The following CHD6 variants were observed in gnomAD, a reference collection of about 807,000 sequenced individuals.
CHD6 encodes the protein chromodomain helicase DNA binding protein 6, also known as ATP-dependent chromatin remodeler CHD6.
Under a neutral mutation model 276.9 loss-of-function variants are expected in CHD6, and 50 were observed. The observed-to-expected ratio is 0.18, with a 90% CI of 0.14 to 0.23. CHD6 has a LOEUF of 0.23. Ranked by LOEUF, CHD6 falls within the 10% of genes least tolerant of loss-of-function variation. The pLI, the probability that CHD6 is intolerant of heterozygous loss-of-function variation, is 1.00. For missense variants in CHD6, 2,564 were observed against 3,365.8 expected (o/e 0.76, Z 5.89); for synonymous variants, 1,173 against 1,229.3 (o/e 0.95, Z 0.96).
At chr20:41,520,137 G>C (rs1048120951) in intron 3 of CHD6, among the ~76,000 whole-genome samples, 13 of 152,204 alleles carry the variant, frequency 8.5e-5, no homozygotes, top group African/African-American at 3.1e-4. Context: ...TCTCACACCA[G>C]TTAGAATGGT....
chr20:41,454,780 A>C, intron 19 of CHD6, 44 bp from the exon 20 acceptor site: 1 of 1,369,310 alleles, frequency 7.3e-7, no homozygotes, highest in South Asian at 1.2e-5. Flanking sequence ...TGAACACAAT[A>C]CAAACTAATA....
chr20:41,576,856 T>C (rs1306214154), intron 1 of CHD6, among the ~76,000 whole-genome samples: 1 of 152,220 alleles, frequency 6.6e-6, no homozygotes, highest in Non-Finnish European at 1.5e-5. Context: ...TGTAGTCATG[T>C]TCTCACCCAC....
chr20:41,444,717 T>C (rs2048011000), intron 25 of CHD6, among the ~76,000 whole-genome samples: 2 of 151,922 alleles, frequency 1.3e-5, no homozygotes, highest in Non-Finnish European at 2.9e-5. Context: ...ACCCAGCACC[T>C]ATTATGTACC....
At chr20:41,412,450 T>C (rs1354624714) in intron 35 of CHD6, among the ~76,000 whole-genome samples, 187 bp from the exon 36 acceptor site, 4 of 152,194 alleles carry the variant, frequency 2.6e-5, no homozygotes, top group African/African-American at 9.7e-5. Flanking sequence ...AGCACCAGTG[T>C]TCCTACAGTA....
In CHD6 at chr20:41,501,686, G is replaced by C. The variant is rs550006490; in HGVS notation, c.853-2329C>G. Reference sequence around the variant, plus strand: ...ACTAGGAGAAGAAATACTGGGTTATGGGGTAGGTAGATGTCTAATTTTAAT... The same window carrying C: ...ACTAGGAGAAGAAATACTGGGTTATCGGGTAGGTAGATGTCTAATTTTAAT... On this transcript the variant is annotated intron_variant, in intron 5 of 36. Coordinates refer to ENST00000373233, the MANE Select transcript of CHD6 (RefSeq NM_032221.5). Among the ~76,000 whole-genome samples, 3 of 152,244 alleles carry C rather than the reference G, an allele frequency of 2.0e-5. No homozygotes were observed. In the South Asian group the frequency reaches 6.2e-4, roughly 32 times the overall value.
In CHD6 at chr20:41,472,266, T is replaced by C. The variant is rs187143376; in HGVS notation, c.2664+1056A>G. 5.5e-3 allele frequency among the ~76,000 whole-genome samples: 818 copies of C among 149,556 alleles called. 19 individuals carry two copies. Among genetic ancestry groups the C allele is most frequent in the Admixed American group, 0.031 (473 of 15,080 alleles). The stretch of plus-strand genomic sequence containing the variant: ...CAAAAAAAAAAAAAAAAGAAAGGAA[T>C]AGACAAAGCAGCAACTCTGTAGGAG... On this transcript the variant is annotated intron_variant, in intron 17 of 36. Transcript: ENST00000373233.
chr20:41,459,012 T>C (rs1251005720), intron 17 of CHD6, among the ~76,000 whole-genome samples: 1 of 151,998 alleles, frequency 6.6e-6, no homozygotes, highest in Non-Finnish European at 1.5e-5. Flanking sequence ...GATCCTGGAG[T>C]CCAGAATTGC....
intron 14 of CHD6, among the ~76,000 whole-genome samples, chr20:41,487,330 A>C (rs1466301450): frequency 1.3e-5 from 2 of 152,216 alleles, no homozygotes; most frequent in East Asian, 1.9e-4. Flanking sequence ...GAAGCAAAAG[A>C]AAGCACCATG....
At chr20:41,589,168 C>G (rs1380115495) in intron 1 of CHD6, among the ~76,000 whole-genome samples, 1 of 152,176 alleles carries the variant, frequency 6.6e-6, no homozygotes, top group Non-Finnish European at 1.5e-5. Flanking sequence ...AATTCAACAG[C>G]CCTTCATGCT....
chr20:41,412,349 ATTG>A (rs1229996818), intron 35 of CHD6, 86 bp from the exon 36 acceptor site: 1 of 1,487,620 alleles, frequency 6.7e-7, no homozygotes, highest in Non-Finnish European at 9.3e-7. Context: ...TGGTTTTGCT[ATTG>A]TTCTCGTCAA....
intron 3 of CHD6, among the ~76,000 whole-genome samples, chr20:41,527,405 A>C (rs1376318313): frequency 1.3e-5 from 2 of 152,082 alleles, no homozygotes; most frequent in Non-Finnish European, 2.9e-5. Flanking sequence ...TGGGCGACAG[A>C]GCGAGACCCT....
intron 25 of CHD6, among the ~76,000 whole-genome samples, chr20:41,444,937 C>T (rs758280180): frequency 4.6e-5 from 7 of 152,164 alleles, no homozygotes; most frequent in Non-Finnish European, 1.0e-4. Context: ...AACCTTGCTC[C>T]TCATTTTAAA....
Position 41,422,057 on chromosome 20 carries a change from G to A in CHD6, c.4578C>T (p.Tyr1526=), listed in dbSNP as rs1201656107. ...KDGGPPDTTI[Y]VEPITEERAA... The stretch of plus-strand genomic sequence containing the variant: ...CACGTTCCTCAGTGATGGGTTCAAC[G>A]TAGATGGTGGTATCTGGGGGACCTG... The change falls in exon 31 of 37, where the codon TAC becomes TAT. Residue 1526 remains tyrosine (Y), a synonymous_variant. Coordinates refer to ENST00000373233, the MANE Select transcript of CHD6 (RefSeq NM_032221.5). The A allele has an allele frequency of 9.3e-6, 15 of 1,609,602 alleles. No homozygotes were observed. Among genetic ancestry groups the A allele is most frequent in the Admixed American group, 1.7e-5 (1 of 59,810 alleles).
chr20:41,526,297 C>T (rs1223408141), intron 3 of CHD6, among the ~76,000 whole-genome samples: 1 of 152,128 alleles, frequency 6.6e-6, no homozygotes, highest in Non-Finnish European at 1.5e-5. Flanking sequence ...TCATACACAC[C>T]GTTATGTCTT....
At chr20:41,455,758 TTC>T (rs1491413641) in intron 19 of CHD6, 40 bp downstream of exon 19, 1 of 1,337,864 alleles carries the variant, frequency 7.5e-7, no homozygotes. Context: ...ACATTTTTTT[TTC>T]TCTCCCACCC....
chr20:41,474,072 C>T (rs1419824882), intron 16 of CHD6, among the ~76,000 whole-genome samples: 2 of 152,160 alleles, frequency 1.3e-5, no homozygotes, highest in Admixed American at 1.3e-4. Context: ...CACAGCAAAA[C>T]CTCCAAGTTT....
chr20:41,407,568 C>T (rs2046716879), intron 36 of CHD6, among the ~76,000 whole-genome samples: 1 of 152,278 alleles, frequency 6.6e-6, no homozygotes, highest in South Asian at 2.1e-4. Flanking sequence ...CCCACTGCCT[C>T]TCTTCTCCAT....
chr20:41,544,248 A>AG (rs2044998876), intron 2 of CHD6, among the ~76,000 whole-genome samples: 1 of 152,138 alleles, frequency 6.6e-6, no homozygotes, highest in South Asian at 2.1e-4. Flanking sequence ...TCAAAAAAAA[A>AG]CAAAGTTAGG....
intron 1 of CHD6, among the ~76,000 whole-genome samples, chr20:41,609,942 C>T (rs1227560193): frequency 5.3e-5 from 8 of 151,116 alleles, no homozygotes; most frequent in South Asian, 4.2e-4. Context: ...CTGCAACCTC[C>T]GCCTCCCGGG....
Sources: allele counts gnomAD v4.1 joint callset (sites outside exome capture counted in the v4.1 genomes callset), GRCh38; gene constraint gnomAD v4.1.1; transcripts MANE v1.5; gene names NCBI Gene and HGNC (gene_info 2026-07-23, HGNC 2026-07-21).